RP1: variants seen among roughly 807,000 people sequenced by gnomAD.
The protein encoded by RP1 is oxygen-regulated protein 1.
Under a neutral mutation model 14.8 loss-of-function variants are expected in RP1, and 16 were observed. That is an observed-to-expected ratio of 1.08 (90% confidence interval 0.73 to 1.65). The LOEUF (loss-of-function observed/expected upper bound fraction) is 1.65, where lower values mean the gene tolerates loss of function less well. Among genes scored for constraint, RP1 ranks in the 40% most tolerant of loss-of-function variants. RP1 has a pLI of 0.00. For missense variants in RP1, 2,631 were observed against 2,535.0 expected (o/e 1.04, Z -0.81); for synonymous variants, 876 against 883.6 (o/e 0.99, Z 0.15).
intron 3 of RP1, among the ~76,000 whole-genome samples, chr8:54,644,340 C>T (rs1159871127): frequency 6.6e-6 from 1 of 152,176 alleles, no homozygotes; most frequent in Non-Finnish European, 1.5e-5. Flanking sequence ...ACCCACTCAG[C>T]CCCCAAGGGC....
chr8:54,631,671 C>CTT (rs77435572), downstream of RP1, among the ~76,000 whole-genome samples: 170 of 145,342 alleles, frequency 1.2e-3, no homozygotes, highest in African/African-American at 4.1e-3. Flanking sequence ...CTTTTTACTA[C>CTT]TTTTTTTTTT....
intron 8 of RP1, chr8:54,673,981 T>C (rs1807237919): frequency 1.9e-5 from 25 of 1,350,276 alleles, no homozygotes; most frequent in Middle Eastern, 1.8e-4. Context: ...TCTGTTTATA[T>C]GAAACTCTGT....
intron 1 of RP1, among the ~76,000 whole-genome samples, chr8:54,595,611 A>G (rs1295083554): frequency 6.6e-6 from 1 of 152,190 alleles, no homozygotes; most frequent in African/African-American, 2.4e-5. Flanking sequence ...GCTGCTTCCA[A>G]TAATTTATTT....
At chr8:54,748,109 G>T (rs1049087863) in intron 19 of RP1, among the ~76,000 whole-genome samples, 4 of 152,158 alleles carry the variant, frequency 2.6e-5, no homozygotes, top group African/African-American at 9.7e-5. Flanking sequence ...ATATGATATG[G>T]TAACCTACTT....
chr8:54,679,312 G>C (rs1029753587), intron 9 of RP1: 19 of 972,908 alleles, frequency 2.0e-5, no homozygotes, highest in Non-Finnish European at 2.8e-5. Context: ...AGATAGCCAC[G>C]TCTTTTCCCT....
At chr8:54,602,282 C>T (rs902135437) in intron 1 of RP1, among the ~76,000 whole-genome samples, 27 of 152,074 alleles carry the variant, frequency 1.8e-4, no homozygotes, top group Non-Finnish European at 2.6e-4. Flanking sequence ...TGAGAACATG[C>T]GGTGTTTGGT....
rs1806040688 is a variant in RP1, at chr8:54,626,196, G to C, written c.2314G>C (p.Gly772Arg). 6.2e-7 allele frequency: 1 copy of C among 1,610,326 alleles called. No individual in the cohort carries two copies. The highest frequency in any genetic ancestry group is 8.5e-7 in the Non-Finnish European group (1 of 1,178,526). ...LNTTQNSKVQGLLTKRKSRSL... is the reference protein window; with the variant it reads ...LNTTQNSKVQRLLTKRKSRSL... ...TACTACTCAAAATTCCAAGGTTCAA[G>C]GACTTTTAACCAAAAGAAAATCTAG... The change falls in exon 4 of 4, where the codon GGA (glycine) becomes CGA (arginine). Residue 772 changes from glycine (G) to arginine (R), a missense_variant. Transcript: ENST00000220676.
chr8:54,683,294 G>A (rs1046413194), intron 12 of RP1, among the ~76,000 whole-genome samples: 11 of 152,050 alleles, frequency 7.2e-5, no homozygotes, highest in African/African-American at 2.7e-4. Flanking sequence ...GCTCATCTTT[G>A]GTTCCATATG....
chr8:54,714,620 C>G (rs1808360939), intron 15 of RP1, among the ~76,000 whole-genome samples: 2 of 152,130 alleles, frequency 1.3e-5, no homozygotes, highest in Non-Finnish European at 2.9e-5. Context: ...TCGTGCCTGC[C>G]AAACTGTCTT....
rs536230043 is a variant in RP1, at chr8:54,625,942, A to C, written c.2060A>C (p.Asp687Ala). The C allele has an allele frequency of 4.3e-6, 7 of 1,613,896 alleles. No homozygotes were observed. Among genetic ancestry groups the C allele is most frequent in the Non-Finnish European group, 5.9e-6 (7 of 1,179,964 alleles). Reference sequence around the variant, plus strand: ...CAAGCAATAAATTCCAGGTATCAAGATGGACAGCTTGCAACCAAAGGAATT... The same window carrying C: ...CAAGCAATAAATTCCAGGTATCAAGCTGGACAGCTTGCAACCAAAGGAATT... ...RQQAINSRYQ[D>A]GQLATKGILN... is the part of the protein sequence containing the mutation. The change falls in exon 4 of 4, where the codon GAT (aspartate) becomes GCT (alanine). Residue 687 changes from aspartate (D) to alanine (A), a missense_variant. By Grantham distance (126) the Asp-to-Ala change is moderately radical. Transcript: ENST00000220676.
At chr8:54,583,836 C>A (rs4370509) in intron 1 of RP1, among the ~76,000 whole-genome samples, 1 of 151,944 alleles carries the variant, frequency 6.6e-6, no homozygotes, top group African/African-American at 2.4e-5. Flanking sequence ...TCTGTGGGAT[C>A]GGTGGTGATA....
intron 13 of RP1, among the ~76,000 whole-genome samples, chr8:54,700,646 C>T (rs1807992083): frequency 6.6e-6 from 1 of 152,146 alleles, no homozygotes; most frequent in African/African-American, 2.4e-5. Flanking sequence ...TCTTCAACTA[C>T]TATATTTTTC....
At chr8:54,595,420 C>G (rs1805120509) in intron 1 of RP1, among the ~76,000 whole-genome samples, 1 of 152,134 alleles carries the variant, frequency 6.6e-6, no homozygotes, top group Non-Finnish European at 1.5e-5. Context: ...TGAGACACCA[C>G]GCCTGGCCCC....
At chr8:54,743,906 C>T (rs189371871) in intron 19 of RP1, among the ~76,000 whole-genome samples, 1 of 152,286 alleles carries the variant, frequency 6.6e-6, no homozygotes, top group East Asian at 1.9e-4. Flanking sequence ...TCCCAAGATG[C>T]TCCCCAATAA....
chr8:54,682,353 C>T (rs1807456256), intron 12 of RP1, among the ~76,000 whole-genome samples: 1 of 151,808 alleles, frequency 6.6e-6, no homozygotes, highest in Non-Finnish European at 1.5e-5. Context: ...AACCCATCAC[C>T]TAGGTTATTA....
intron 22 of RP1, among the ~76,000 whole-genome samples, chr8:54,762,655 C>T (rs1365703824): frequency 6.6e-6 from 1 of 152,178 alleles, no homozygotes. Context: ...TATTAGCTTC[C>T]TGTGGCTGCC....
chr8:54,829,092 C>T (rs1436368142), intron 24 of RP1, among the ~76,000 whole-genome samples: 1 of 151,842 alleles, frequency 6.6e-6, no homozygotes, highest in Non-Finnish European at 1.5e-5. Context: ...GGGGTTTTGC[C>T]ATGTTGGCCA....
intron 3 of RP1, among the ~76,000 whole-genome samples, chr8:54,645,189 C>T (rs184792066): frequency 6.6e-6 from 1 of 152,238 alleles, no homozygotes; most frequent in East Asian, 1.9e-4. Flanking sequence ...AGTAAAACTA[C>T]AATGAAAATT....
intron 1 of RP1, among the ~76,000 whole-genome samples, chr8:54,577,537 A>G (rs1804689509): frequency 6.6e-6 from 1 of 151,070 alleles, no homozygotes; most frequent in Non-Finnish European, 1.5e-5. Flanking sequence ...AGAATAGTGT[A>G]TTATTAGATT....
Sources: allele counts gnomAD v4.1 joint callset (sites outside exome capture counted in the v4.1 genomes callset), GRCh38; gene constraint gnomAD v4.1.1; transcripts MANE v1.5; gene names NCBI Gene and HGNC (gene_info 2026-07-23, HGNC 2026-07-21).